The following XIRP2 variants were observed in gnomAD, a reference collection of about 807,000 sequenced individuals.
XIRP2 encodes the protein xin actin binding repeat containing 2.
XIRP2 carries 236 observed loss-of-function variants against 277.0 expected under a neutral mutation model. The observed-to-expected ratio is 0.85, with a 90% CI of 0.77 to 0.95. XIRP2 has a LOEUF of 0.95. Among genes scored for constraint, XIRP2 ranks in the 40% least tolerant of loss-of-function variants. The probability of loss-of-function intolerance (pLI) is 0.00; values close to 1 mark genes in which losing one functional copy is unlikely to be tolerated. For missense variants in XIRP2, 4,640 were observed against 4,157.5 expected (o/e 1.12, Z -3.19); for synonymous variants, 1,490 against 1,416.5 (o/e 1.05, Z -1.17).
intron 2 of XIRP2, among the ~76,000 whole-genome samples, chr2:166,996,255 A>G (rs1255130869): frequency 6.6e-6 from 1 of 152,184 alleles, no homozygotes; most frequent in African/African-American, 2.4e-5. Flanking sequence ...ATTTGGTGAA[A>G]CGTAAAACAA....
intron 2 of XIRP2, among the ~76,000 whole-genome samples, chr2:166,929,912 G>C (rs950222241): frequency 6.6e-6 from 1 of 152,128 alleles, no homozygotes; most frequent in Non-Finnish European, 1.5e-5. Context: ...AATATATGTA[G>C]ATAGCTCATC....
chr2:167,083,923 A>T (rs1689831856), intron 2 of XIRP2, among the ~76,000 whole-genome samples: 1 of 151,172 alleles, frequency 6.6e-6, no homozygotes, highest in Non-Finnish European at 1.5e-5. Context: ...CTAATTGAAT[A>T]CCCTTTATTT....
chr2:167,149,109 G>A (rs1236086977), intron 3 of XIRP2, among the ~76,000 whole-genome samples: 2 of 152,084 alleles, frequency 1.3e-5, no homozygotes, highest in Non-Finnish European at 2.9e-5. Flanking sequence ...GGTCTGAGTG[G>A]ATGGAAAATA....
chr2:167,135,085 G>C (rs575513693), intron 2 of XIRP2, among the ~76,000 whole-genome samples: 138 of 152,278 alleles, frequency 9.1e-4, no homozygotes, highest in African/African-American at 3.2e-3. Flanking sequence ...TAACTTATGT[G>C]TAGCTGTTGA....
chr2:167,181,729 G>A (rs921134351), intron 3 of XIRP2, among the ~76,000 whole-genome samples: 9 of 151,842 alleles, frequency 5.9e-5, no homozygotes, highest in Non-Finnish European at 1.0e-4. Context: ...ATATTTATAG[G>A]ACAGAGATGA....
Position 167,258,429 on chromosome 2 carries a change from A to T in XIRP2, c.*612A>T. 1 of 1,613,414 alleles carries T rather than the reference A, an allele frequency of 6.2e-7. No homozygotes were observed. The highest frequency in any genetic ancestry group is 8.5e-7 in the Non-Finnish European group (1 of 1,179,716). ...GAAATGAAAATGCCTGAAGGAAGAAAAGATGAAAAGAAGGAAGGAAGGAAG... is the reference window on the plus strand; with the variant it reads ...GAAATGAAAATGCCTGAAGGAAGAATAGATGAAAAGAAGGAAGGAAGGAAG... On this transcript the variant is annotated 3_prime_UTR_variant, in exon 11 of 11. Coordinates refer to ENST00000409195, the MANE Select transcript of XIRP2 (RefSeq NM_152381.6).
chr2:167,170,719 G>A (rs943671160), intron 3 of XIRP2, among the ~76,000 whole-genome samples: 5 of 151,804 alleles, frequency 3.3e-5, no homozygotes, highest in Non-Finnish European at 2.9e-5. Context: ...CTTGCTAGAC[G>A]TTAGCAATTT....
intron 2 of XIRP2, among the ~76,000 whole-genome samples, chr2:166,942,742 A>G (rs2105384856): frequency 6.6e-6 from 1 of 152,302 alleles, no homozygotes; most frequent in Non-Finnish European, 1.5e-5. Flanking sequence ...TTTTTCACAT[A>G]CTTGTATTAG....
chr2:166,891,901 G>A (rs192648241), intron 1 of XIRP2, among the ~76,000 whole-genome samples: 1 of 152,136 alleles, frequency 6.6e-6, no homozygotes, highest in Non-Finnish European at 1.5e-5. Flanking sequence ...CAAGACTGAG[G>A]ATTTCCTTGG....
At chr2:167,136,143 G>T (rs148808001) in intron 3 of XIRP2, 81 bp downstream of exon 3, 4 of 1,338,126 alleles carry the variant, frequency 3.0e-6, no homozygotes, top group Non-Finnish European at 3.9e-6. Flanking sequence ...TATATGAGGG[G>T]TTTGTTTAAA....
chr2:167,087,853 G>A (rs1382563552), intron 2 of XIRP2, among the ~76,000 whole-genome samples: 1 of 152,160 alleles, frequency 6.6e-6, no homozygotes, highest in African/African-American at 2.4e-5. Flanking sequence ...GCACTCCCTA[G>A]TGAGATGAAC....
chr2:167,106,406 T>C (rs1455203674), intron 2 of XIRP2, among the ~76,000 whole-genome samples: 2 of 151,818 alleles, frequency 1.3e-5, no homozygotes, highest in East Asian at 3.9e-4. Context: ...TTCCAGCAAT[T>C]ACTGAAAAGG....
At chr2:166,935,028 CT>C (rs2105372901) in intron 2 of XIRP2, among the ~76,000 whole-genome samples, 1 of 137,494 alleles carries the variant, frequency 7.3e-6, no homozygotes, top group East Asian at 2.7e-4. Context: ...GCGACTCCTT[CT>C]CAGAAAAAAA....
chr2:166,914,409 C>T (rs758833525), intron 2 of XIRP2, among the ~76,000 whole-genome samples: 20 of 152,246 alleles, frequency 1.3e-4, no homozygotes, highest in Middle Eastern at 6.8e-3. Context: ...AGTTTGATCT[C>T]GGCTCACTGC....
At chr2:167,045,697 C>T (rs1688768695) in intron 2 of XIRP2, among the ~76,000 whole-genome samples, 2 of 151,862 alleles carry the variant, frequency 1.3e-5, no homozygotes, top group Admixed American at 1.3e-4. Context: ...CCATCCCACA[C>T]CAGTAAGAAT....
intron 2 of XIRP2, among the ~76,000 whole-genome samples, chr2:167,117,049 G>C (rs190077927): frequency 1.3e-5 from 2 of 152,296 alleles, no homozygotes; most frequent in Non-Finnish European, 2.9e-5. Context: ...AATATGTAGA[G>C]TTAGAAAATG....
intron 2 of XIRP2, among the ~76,000 whole-genome samples, chr2:167,051,267 ATTC>A (rs1434645857): frequency 6.6e-6 from 1 of 152,118 alleles, no homozygotes; most frequent in African/African-American, 2.4e-5. Flanking sequence ...TTGTGCAGCT[ATTC>A]TTCTAAATTG....
chr2:167,170,891 CTTCTTTTTTTT>C (rs1692668377), intron 3 of XIRP2, among the ~76,000 whole-genome samples: 1 of 122,886 alleles, frequency 8.1e-6, no homozygotes, highest in African/African-American at 3.1e-5. Flanking sequence ...TTTTGCCTTT[CTTCTTTTTTTT>C]TTTTTTTTTT....
chr2:166,945,663 C>CTTTTTTT (rs71395267), intron 2 of XIRP2, among the ~76,000 whole-genome samples: 51 of 69,282 alleles, frequency 7.4e-4, no homozygotes, highest in Admixed American at 1.1e-3. Context: ...TAAGATAAAT[C>CTTTTTTT]TTTTTTTTTT....
Sources: gnomAD v4.1 joint callset for allele counts (sites outside exome capture counted in the v4.1 genomes callset) on GRCh38, gnomAD v4.1.1 for gene constraint, MANE v1.5 for transcripts, NCBI Gene and HGNC (gene_info 2026-07-23, HGNC 2026-07-21) for gene names.